Variants in RGS7 observed in about 807,000 individuals in gnomAD.
The protein encoded by RGS7 is regulator of G protein signaling 7.
Under a neutral mutation model 81.1 loss-of-function variants are expected in RGS7, and 27 were observed. The ratio of observed to expected loss-of-function variants is 0.33; its 90% CI spans 0.25 to 0.46. The LOEUF is 0.46. Ranked by LOEUF, RGS7 falls within the 20% of genes least tolerant of loss-of-function variation. The pLI is 1.00. For synonymous variants in RGS7, 208 were observed against 207.7 expected (o/e 1.00, Z -0.01); for missense variants, 396 against 607.4 (o/e 0.65, Z 3.66).
At chr1:240,823,141 G>A in intron 10 of RGS7, 3 of 1,164,248 alleles carry the variant, frequency 2.6e-6, no homozygotes, top group Non-Finnish European at 3.9e-6. Context: ...GCCAACAATG[G>A]CCACATTGGG....
At chr1:241,060,975 T>C (rs533361960) in intron 3 of RGS7, among the ~76,000 whole-genome samples, 122 of 152,358 alleles carry the variant, frequency 8.0e-4, no homozygotes, top group Middle Eastern at 6.8e-3. Flanking sequence ...ATGGGTCACC[T>C]GCCCCTCAGG....
chr1:241,016,800 G>A (rs80247450), intron 3 of RGS7, among the ~76,000 whole-genome samples: 2,290 of 152,006 alleles, frequency 0.015, 47 homozygotes, highest in African/African-American at 0.051. Context: ...ACCTTTATGT[G>A]GCATGCTTAT....
chr1:241,115,844 T>C (rs920709136), intron 2 of RGS7, among the ~76,000 whole-genome samples: 4 of 152,138 alleles, frequency 2.6e-5, no homozygotes, highest in Non-Finnish European at 4.4e-5. Flanking sequence ...TAGATTTGTG[T>C]CCCCACTCAA....
intron 4 of RGS7, among the ~76,000 whole-genome samples, chr1:240,982,366 G>A (rs960635299): frequency 6.9e-6 from 1 of 144,204 alleles, no homozygotes; most frequent in Non-Finnish European, 1.5e-5. Flanking sequence ...AGGTTGCAGT[G>A]AGCCGAGATT....
intron 2 of RGS7, among the ~76,000 whole-genome samples, chr1:241,267,436 C>T (rs1051575751): frequency 1.3e-5 from 2 of 152,188 alleles, no homozygotes; most frequent in Admixed American, 6.5e-5. Context: ...TTTTTCTCTT[C>T]GATGTTCTAA....
At chr1:241,016,309 A>G (rs1469794204) in intron 3 of RGS7, among the ~76,000 whole-genome samples, 33 of 152,120 alleles carry the variant, frequency 2.2e-4, no homozygotes, top group Admixed American at 1.8e-3. Flanking sequence ...TATGAGGTCA[A>G]GAGAACAAGA....
At chr1:240,993,961 T>C (rs1478158281) in intron 3 of RGS7, among the ~76,000 whole-genome samples, 1 of 152,208 alleles carries the variant, frequency 6.6e-6, no homozygotes, top group Non-Finnish European at 1.5e-5. Context: ...TGCTTTTCCA[T>C]GTTTGTCAAA....
chr1:241,220,946 G>GA (rs1479955032), intron 2 of RGS7, among the ~76,000 whole-genome samples: 3 of 105,430 alleles, frequency 2.8e-5, no homozygotes, highest in Admixed American at 2.5e-4. Flanking sequence ...AAGGAAGGAA[G>GA]AAGCAAGGAA....
intron 2 of RGS7, among the ~76,000 whole-genome samples, chr1:241,301,733 TTACAA>T (rs761188635): frequency 7.9e-5 from 12 of 152,366 alleles, no homozygotes; most frequent in Non-Finnish European, 1.6e-4. Context: ...TTTAAGATAC[TTACAA>T]TAGTGTAATC....
At chr1:241,221,092 AAAGGAAGGAAGG>A (rs141939771) in intron 2 of RGS7, among the ~76,000 whole-genome samples, 5 of 138,466 alleles carry the variant, frequency 3.6e-5, no homozygotes, top group Non-Finnish European at 6.2e-5. Context: ...AGGAAGGAAG[AAAGGAAGGAAGG>A]AAGGAAGGAA....
At chr1:241,029,760 T>G (rs1317531648) in intron 3 of RGS7, among the ~76,000 whole-genome samples, 1 of 152,168 alleles carries the variant, frequency 6.6e-6, no homozygotes, top group African/African-American at 2.4e-5. Flanking sequence ...TTTCACAACA[T>G]CAGTACACAA....
chr1:240,919,685 C>G, intron 6 of RGS7: 1 of 565,912 alleles, frequency 1.8e-6, no homozygotes. Context: ...AAGAACCGAA[C>G]AGCTGAGGAA....
rs4660009 is a variant in RGS7 at position 240,868,197 on chromosome 1, C to T, written c.609+390G>A. ...AAGGACGAAGGAAGGAAGGAAGGAA[C>T]GAAGGAACGAAGGGAGGGAAGGAAA... On this transcript the variant is annotated intron_variant, in intron 9 of 18. Coordinates refer to ENST00000440928, the MANE Select transcript of RGS7 (RefSeq NM_001364886.1). The surrounding 1 kb of genome is among the most constrained non-coding windows in gnomAD (Gnocchi z 5.1). 1.4e-5 allele frequency among the ~76,000 whole-genome samples: 2 copies of T among 147,512 alleles called. No homozygotes were observed. The highest frequency in any genetic ancestry group is 6.7e-5 in the Admixed American group (1 of 14,896).
chr1:241,322,123 C>A (rs997147114), intron 2 of RGS7, among the ~76,000 whole-genome samples: 1 of 152,292 alleles, frequency 6.6e-6, no homozygotes, highest in Admixed American at 6.5e-5. Flanking sequence ...ATTATCCCAC[C>A]TGAGAGCAAT....
At chr1:241,225,162 C>T (rs561466394) in intron 2 of RGS7, among the ~76,000 whole-genome samples, 1 of 152,254 alleles carries the variant, frequency 6.6e-6, no homozygotes, top group South Asian at 2.1e-4. Context: ...TACCCTCCCA[C>T]TTTTCCAAGT....
chr1:241,059,157 T>C (rs2061621666), intron 3 of RGS7, among the ~76,000 whole-genome samples: 1 of 152,194 alleles, frequency 6.6e-6, no homozygotes, highest in Admixed American at 6.5e-5. Flanking sequence ...TTGTCTTCAT[T>C]TTAGGATCTG....
chr1:240,790,576 A>G (rs1685824589), intron 18 of RGS7, among the ~76,000 whole-genome samples: 1 of 152,228 alleles, frequency 6.6e-6, no homozygotes, highest in South Asian at 2.1e-4. Context: ...ATTACTCTGC[A>G]GTGGCTTCAG....
chr1:240,841,144 T>C (rs993756366), intron 9 of RGS7, among the ~76,000 whole-genome samples: 2 of 152,342 alleles, frequency 1.3e-5, no homozygotes, highest in Middle Eastern at 3.4e-3. Context: ...TGCAATGTGA[T>C]TAGCCCATCA....
At chr1:241,304,260 G>A (rs1031504398) in intron 2 of RGS7, among the ~76,000 whole-genome samples, 2 of 152,150 alleles carry the variant, frequency 1.3e-5, no homozygotes, top group African/African-American at 4.8e-5. Context: ...TCTGATTGCT[G>A]TGGTAGAAAA....
Sources: allele counts gnomAD v4.1 joint callset (sites outside exome capture counted in the v4.1 genomes callset), GRCh38; gene constraint gnomAD v4.1.1; non-coding constraint Gnocchi (gnomAD v3.1); transcripts MANE v1.5; gene names NCBI Gene and HGNC (gene_info 2026-07-23, HGNC 2026-07-21).